ATP13A5: variants seen among roughly 807,000 people sequenced by gnomAD.
The protein encoded by ATP13A5 is probable cation-transporting ATPase 13A5.
Under a neutral mutation model 150.2 loss-of-function variants are expected in ATP13A5, and 149 were observed. The ratio of observed to expected loss-of-function variants is 0.99; its 90% CI spans 0.87 to 1.14. The LOEUF (loss-of-function observed/expected upper bound fraction) is 1.14. ATP13A5 is among the 50% of genes most tolerant of loss of function. The pLI is 0.00. For missense variants in ATP13A5, 1,383 were observed against 1,449.3 expected (o/e 0.95, Z 0.74); for synonymous variants, 497 against 522.2 (o/e 0.95, Z 0.66).
rs6797429 is a variant in ATP13A5 at position 193,362,625 on chromosome 3, C to G, written c.397G>C (p.Glu133Gln). 0.51 allele frequency: 826,777 copies of G among 1,613,700 alleles called. 213,882 individuals carry two copies. Among genetic ancestry groups the G allele is most frequent in the African/African-American group, 0.63 (46,877 of 74,978 alleles). ...IKPELKLRCM[E>Q]VQKIRYVWND... is the part of the protein sequence containing the mutation. ...CAAACATACCTGATTTTCTGCACTT[C>G]CATGCACCGCAGCTACGATTGCAAA... The change falls in exon 4 of 30, where the codon GAA (glutamate) becomes CAA (glutamine). Residue 133 changes from glutamate to glutamine, a missense_variant. Around this residue, in one of 3 missense-constraint regions of ATP13A5, gnomAD observed 787 missense variants for 771.9 expected, o/e 1.02. Transcript: ENST00000342358.
intron 28 of ATP13A5, among the ~76,000 whole-genome samples, chr3:193,278,708 T>C (rs1433437344): frequency 2.6e-5 from 4 of 152,064 alleles, no homozygotes; most frequent in Non-Finnish European, 5.9e-5. Context: ...GGGGCCTCCT[T>C]CTTCTATGTT....
intron 16 of ATP13A5, 110 bp downstream of exon 16, chr3:193,321,571 C>T (rs1016203926): frequency 1.8e-5 from 22 of 1,216,912 alleles, no homozygotes; most frequent in Non-Finnish European, 2.3e-5. Context: ...GTGGAGGCTA[C>T]AGTGAGCTGA....
At chr3:193,325,806 T>G (rs1161315523) in intron 13 of ATP13A5, among the ~76,000 whole-genome samples, 2 of 152,328 alleles carry the variant, frequency 1.3e-5, no homozygotes, top group Middle Eastern at 3.4e-3. Context: ...TCTTCCCACC[T>G]TACAGCTGAA....
intron 10 of ATP13A5, among the ~76,000 whole-genome samples, chr3:193,334,210 G>A (rs976837939): frequency 6.6e-6 from 1 of 152,154 alleles, no homozygotes; most frequent in African/African-American, 2.4e-5. Context: ...AAGCATGCAG[G>A]TATCACAGTG....
chr3:193,367,362 A>G (rs1335097841), intron 1 of ATP13A5, among the ~76,000 whole-genome samples: 2 of 152,248 alleles, frequency 1.3e-5, no homozygotes, highest in African/African-American at 4.8e-5. Context: ...CTCCCTGCAA[A>G]GAAATCGTCA....
rs1713058602 is a variant in ATP13A5, at chr3:193,362,607, A to G, written c.415T>C (p.Tyr139His). 6.2e-7 allele frequency: 1 copy of G among 1,614,194 alleles called. No homozygotes were observed. Among genetic ancestry groups the G allele is most frequent in the Non-Finnish European group, 8.5e-7 (1 of 1,180,016 alleles). The change falls in exon 4 of 30, where the codon TAT (tyrosine) becomes CAT (histidine). Residue 139 changes from tyrosine to histidine, a missense_variant. Tyr to His is a moderately conservative substitution (Grantham distance 83). Transcript: ENST00000342358. Reference sequence around the variant, plus strand: ...CGCTTCTCCAGGTCGTTCCAAACATACCTGATTTTCTGCACTTCCATGCAC... The same window carrying G: ...CGCTTCTCCAGGTCGTTCCAAACATGCCTGATTTTCTGCACTTCCATGCAC... ...LRCMEVQKIRYVWNDLEKRFQ... is the reference protein window; with the variant it reads ...LRCMEVQKIRHVWNDLEKRFQ...
At chr3:193,287,034 A>G (rs1020214968) in intron 26 of ATP13A5, among the ~76,000 whole-genome samples, 1 of 152,166 alleles carries the variant, frequency 6.6e-6, no homozygotes, top group African/African-American at 2.4e-5. Context: ...CCTTTAAGCC[A>G]AAGTCTAATC....
At chr3:193,325,613 T>G (rs767082907) in intron 13 of ATP13A5, among the ~76,000 whole-genome samples, 14 of 152,136 alleles carry the variant, frequency 9.2e-5, no homozygotes, top group Non-Finnish European at 1.8e-4. Context: ...AGGCAAGAAG[T>G]CTCTAGGGCT....
intron 9 of ATP13A5, among the ~76,000 whole-genome samples, chr3:193,336,402 G>A (rs1369347802): frequency 3.9e-5 from 6 of 151,944 alleles, no homozygotes; most frequent in South Asian, 2.1e-4. Context: ...CCCACCTCAC[G>A]ACAGGCCCCG....
chr3:193,318,883 T>C, intron 17 of ATP13A5, 108 bp downstream of exon 17: 1 of 769,560 alleles, frequency 1.3e-6, no homozygotes. Flanking sequence ...ATTAATTCTC[T>C]GTCTCTGAGA....
intron 17 of ATP13A5, among the ~76,000 whole-genome samples, chr3:193,318,576 A>T (rs1436291141): frequency 1.3e-5 from 2 of 152,180 alleles, no homozygotes; most frequent in Non-Finnish European, 2.9e-5. Context: ...AAGTATTCTC[A>T]AAATCTTTCA....
intron 5 of ATP13A5, among the ~76,000 whole-genome samples, chr3:193,356,077 T>C (rs1312910096): frequency 2.6e-5 from 4 of 152,172 alleles, no homozygotes; most frequent in African/African-American, 4.8e-5. Flanking sequence ...AACAAGGGCG[T>C]TCCCTTTGTG....
chr3:193,326,542 A>G (rs1719472963), intron 13 of ATP13A5, among the ~76,000 whole-genome samples: 1 of 152,210 alleles, frequency 6.6e-6, no homozygotes, highest in Non-Finnish European at 1.5e-5. Context: ...ATATCAAATA[A>G]TCTCCATTTC....
intron 3 of ATP13A5, 128 bp from the exon 4 acceptor site, chr3:193,362,765 C>A (rs1713073308): frequency 4.3e-6 from 1 of 234,504 alleles, no homozygotes. Context: ...TTCTTTCTTT[C>A]TTTCTTTCTT....
intron 5 of ATP13A5, among the ~76,000 whole-genome samples, chr3:193,361,839 G>A (rs1178931130): frequency 6.6e-6 from 1 of 152,118 alleles, no homozygotes; most frequent in African/African-American, 2.4e-5. Context: ...TCCTTGCAAA[G>A]TACCTATTTG....
intron 17 of ATP13A5, 96 bp downstream of exon 17, chr3:193,318,895 C>A: frequency 1.2e-6 from 1 of 834,626 alleles, no homozygotes; most frequent in Admixed American, 1.8e-5. Flanking sequence ...TCTCTGAGAG[C>A]CTTCCAGGTG....
At chr3:193,286,178 T>C (rs1717715833) in intron 26 of ATP13A5, among the ~76,000 whole-genome samples, 1 of 152,192 alleles carries the variant, frequency 6.6e-6, no homozygotes, top group Non-Finnish European at 1.5e-5. Context: ...AGCTTTCTTG[T>C]TCAGCTTGAA....
chr3:193,345,924 TG>T (rs1184691270), intron 7 of ATP13A5, among the ~76,000 whole-genome samples: 1 of 152,112 alleles, frequency 6.6e-6, no homozygotes, highest in Non-Finnish European at 1.5e-5. Context: ...AGTGGCTTTC[TG>T]CTTGTAAGTG....
intron 21 of ATP13A5, among the ~76,000 whole-genome samples, chr3:193,308,391 G>A (rs574091312): frequency 5.3e-5 from 8 of 152,198 alleles, no homozygotes; most frequent in East Asian, 1.9e-4. Flanking sequence ...CCTTGGAAGC[G>A]GAGGCTGCGG....
Sources: gnomAD v4.1 joint callset for allele counts (sites outside exome capture counted in the v4.1 genomes callset) on GRCh38, gnomAD v4.1.1 for gene constraint, gnomAD v4.1.1 regional missense constraint, MANE v1.5 for transcripts, NCBI Gene and HGNC (gene_info 2026-07-23, HGNC 2026-07-21) for gene names.